Variants in CTNND2 observed in about 807,000 individuals in gnomAD.
CTNND2 encodes the protein catenin delta-2.
A neutral mutation model predicts 144.4 loss-of-function variants in CTNND2; 22 were observed. The observed-to-expected ratio is 0.15, with a 90% CI of 0.11 to 0.22. The LOEUF is 0.22. CTNND2 is among the 10% of genes least tolerant of loss of function. The pLI, the probability that CTNND2 is intolerant of heterozygous loss-of-function variation, is 1.00. For synonymous variants in CTNND2, 751 were observed against 695.6 expected, an observed-to-expected ratio of 1.08 and a Z score of -1.25; for missense variants, 1,353 against 1,618.8, an observed-to-expected ratio of 0.84 and a Z score of 2.82.
chr5:11,242,374 CATAAATATAGCCATAAAACT>C (rs1188400840), intron 9 of CTNND2, among the ~76,000 whole-genome samples: 1 of 152,258 alleles, frequency 6.6e-6, no homozygotes, highest in East Asian at 1.9e-4. Context: ...CTCTCGAATC[CATAAATATAGCCATAAAACT>C]ATGTTGCCTG....
chr5:11,618,444 T>A (rs948393414), intron 2 of CTNND2, among the ~76,000 whole-genome samples: 1 of 152,228 alleles, frequency 6.6e-6, no homozygotes, highest in African/African-American at 2.4e-5. Flanking sequence ...TGGCCACTTG[T>A]GTCCTTAACA....
At chr5:11,761,535 G>T (rs1789262509) in intron 1 of CTNND2, among the ~76,000 whole-genome samples, 1 of 151,784 alleles carries the variant, frequency 6.6e-6, no homozygotes, top group Admixed American at 6.6e-5. Flanking sequence ...ACAATATCTA[G>T]TAACAATCTA....
chr5:11,109,370 T>C (rs1752723904), intron 14 of CTNND2, among the ~76,000 whole-genome samples: 1 of 149,396 alleles, frequency 6.7e-6, no homozygotes, highest in Non-Finnish European at 1.5e-5. Context: ...TTTTCTAGAA[T>C]TATCCCTACA....
intron 1 of CTNND2, among the ~76,000 whole-genome samples, chr5:11,853,466 T>C (rs1459691397): frequency 1.3e-5 from 2 of 152,118 alleles, no homozygotes; most frequent in African/African-American, 4.8e-5. Flanking sequence ...TTCTTGGAGA[T>C]CTCATCCAGT....
intron 1 of CTNND2, among the ~76,000 whole-genome samples, chr5:11,866,288 G>C (rs749303759): frequency 1.9e-4 from 29 of 152,126 alleles, no homozygotes; most frequent in Non-Finnish European, 3.4e-4. Flanking sequence ...GGATGATAAC[G>C]CCAGACGTTG....
chr5:11,148,725 A>C (rs757458), intron 12 of CTNND2, among the ~76,000 whole-genome samples: 65,355 of 151,990 alleles, frequency 0.43, 14,202 homozygotes, highest in Admixed American at 0.51. Context: ...TACCTTCCCA[A>C]GGCCTCTGTG....
At chr5:11,428,861 A>G (rs954396961) in intron 3 of CTNND2, among the ~76,000 whole-genome samples, 6 of 152,254 alleles carry the variant, frequency 3.9e-5, no homozygotes, top group Non-Finnish European at 8.8e-5. Context: ...GAATAAGAAC[A>G]TTCAAGAATC....
chr5:11,733,435 T>G (rs1209443252), intron 1 of CTNND2, among the ~76,000 whole-genome samples: 1 of 152,180 alleles, frequency 6.6e-6, no homozygotes, highest in Non-Finnish European at 1.5e-5. Flanking sequence ...CACAGAAGTC[T>G]TCTGTGTTTG....
chr5:11,747,331 C>A (rs1299356658), intron 1 of CTNND2, among the ~76,000 whole-genome samples: 1 of 152,108 alleles, frequency 6.6e-6, no homozygotes, highest in Non-Finnish European at 1.5e-5. Context: ...TTTGACTCTT[C>A]CAGAATAAAA....
intron 3 of CTNND2, among the ~76,000 whole-genome samples, chr5:11,442,003 G>A (rs964440328): frequency 5.9e-5 from 9 of 151,770 alleles, no homozygotes; most frequent in Admixed American, 3.3e-4. Flanking sequence ...TCTTTGATGC[G>A]CCTTTAAATC....
intron 2 of CTNND2, among the ~76,000 whole-genome samples, chr5:11,677,060 G>A (rs1029254374): frequency 2.0e-5 from 3 of 152,080 alleles, no homozygotes; most frequent in African/African-American, 7.2e-5. Context: ...TTTTGATTCT[G>A]TTAAATGAAC....
intron 3 of CTNND2, among the ~76,000 whole-genome samples, chr5:11,484,896 G>C (rs1768652310): frequency 1.3e-5 from 2 of 152,140 alleles, no homozygotes; most frequent in Admixed American, 6.5e-5. Context: ...ATCCTGCCCT[G>C]GTGGGCCTGC....
chr5:11,514,880 G>C (rs536462363), intron 3 of CTNND2, among the ~76,000 whole-genome samples: 1 of 152,126 alleles, frequency 6.6e-6, no homozygotes, highest in Non-Finnish European at 1.5e-5. Flanking sequence ...GTGGCTCACT[G>C]CAACTTCCAG....
rs1736034442 is a variant in CTNND2, at chr5:10,973,402, T to C, written c.*51A>G. The C allele has an allele frequency of 6.8e-7, 1 of 1,477,382 alleles. No individual in the cohort carries two copies. Among genetic ancestry groups the C allele is most frequent in the African/African-American group, 1.4e-5 (1 of 70,686 alleles). The allele number at this position is 1,477,382 out of a possible 1,614,324, so 91.5% of individuals were successfully genotyped here. A position where few individuals can be genotyped will look rare whatever the true frequency, so the allele number is the denominator to read the frequency against. ...AAAAAACAAAACAGAAAGAAATGTCTTGTGGTATGCATGCACATGCACTGT... is the reference window on the plus strand; with the variant it reads ...AAAAAACAAAACAGAAAGAAATGTCCTGTGGTATGCATGCACATGCACTGT... On this transcript the variant is annotated 3_prime_UTR_variant, in exon 22 of 22. Coordinates refer to ENST00000304623, the MANE Select transcript of CTNND2 (RefSeq NM_001332.4). The surrounding 1 kb of genome is among the most constrained non-coding windows in gnomAD (Gnocchi z 5.6).
chr5:11,185,479 A>G (rs1173767656), intron 11 of CTNND2, among the ~76,000 whole-genome samples: 1 of 152,230 alleles, frequency 6.6e-6, no homozygotes, highest in Non-Finnish European at 1.5e-5. Context: ...CTGGGATTAC[A>G]GGCCTCATGA....
intron 1 of CTNND2, among the ~76,000 whole-genome samples, chr5:11,833,889 T>C (rs928162928): frequency 1.3e-5 from 2 of 152,192 alleles, no homozygotes; most frequent in Non-Finnish European, 2.9e-5. Flanking sequence ...CAAACTTCAC[T>C]GAATGCTAAA....
intron 9 of CTNND2, among the ~76,000 whole-genome samples, chr5:11,311,994 G>A (rs62652502): frequency 0.67 from 70,100 of 105,198 alleles, 22,601 homozygotes; most frequent in Middle Eastern, 0.78. Context: ...ACCCATATAT[G>A]CACCCCACAC....
At chr5:11,726,941 G>A (rs1049201613) in intron 2 of CTNND2, among the ~76,000 whole-genome samples, 3 of 152,156 alleles carry the variant, frequency 2.0e-5, no homozygotes, top group Non-Finnish European at 4.4e-5. Flanking sequence ...AGGGGGAAAA[G>A]TCAAAATAAC....
chr5:11,202,680 T>G (rs554423935), intron 10 of CTNND2, among the ~76,000 whole-genome samples: 57 of 152,332 alleles, frequency 3.7e-4, no homozygotes, highest in African/African-American at 1.2e-3. Flanking sequence ...AGGGAGGCCC[T>G]GACATGGACT....
Sources: allele counts gnomAD v4.1 joint callset (sites outside exome capture counted in the v4.1 genomes callset), GRCh38; gene constraint gnomAD v4.1.1; non-coding constraint Gnocchi (gnomAD v3.1); transcripts MANE v1.5; gene names NCBI Gene and HGNC (gene_info 2026-07-23, HGNC 2026-07-21).